KLRB1: variants seen among roughly 807,000 people sequenced by gnomAD.
KLRB1 encodes killer cell lectin-like receptor subfamily B member 1.
Under a neutral mutation model 33.5 loss-of-function variants are expected in KLRB1, and 27 were observed. The ratio of observed to expected loss-of-function variants is 0.81; its 90% CI spans 0.59 to 1.11. KLRB1 has a LOEUF of 1.11. KLRB1 is among the 50% of genes most tolerant of loss of function. The probability of loss-of-function intolerance (pLI) is 0.00; values close to 1 mark genes in which losing one functional copy is unlikely to be tolerated. For synonymous variants in KLRB1, 64 were observed against 88.9 expected (o/e 0.72, Z 1.58); for missense variants, 241 against 254.1 (o/e 0.95, Z 0.35).
chr12:9,607,373 T>TC lies in KLRB1; in HGVS notation c.85+381_85+382insG, dbSNP rs1332898981. 9.0e-4 allele frequency among the ~76,000 whole-genome samples: 86 copies of TC among 95,054 alleles called. 1 individual carries two copies. Among genetic ancestry groups the TC allele is most frequent in the Non-Finnish European group, 1.6e-3 (70 of 42,612 alleles). The allele number at this position is 95,054 out of a possible 152,430, so 62.4% of individuals were successfully genotyped here. A position where few individuals can be genotyped will look rare whatever the true frequency, so the allele number is the denominator to read the frequency against. Reference sequence around the variant, plus strand: ...CTTTCTTCCTTTCTTTCTTTCTTTCTTTCTTTCTTTCTTTCTTTCTTTCTT... The same window carrying TC: ...CTTTCTTCCTTTCTTTCTTTCTTTCTCTTCTTTCTTTCTTTCTTTCTTTCTT... On this transcript the variant is annotated intron_variant, in intron 1 of 5. Transcript: ENST00000229402.
At chr12:9,607,370 T>TCTC (rs1864627744) in intron 1 of KLRB1, among the ~76,000 whole-genome samples, 2 of 86,358 alleles carry the variant, frequency 2.3e-5, no homozygotes, top group African/African-American at 7.6e-5. Flanking sequence ...CTTTCTTTCT[T>TCTC]TCTTTCTTTC....
intron 4 of KLRB1, 31 bp from the exon 5 acceptor site, chr12:9,598,192 GC>G: frequency 7.3e-7 from 1 of 1,366,024 alleles, no homozygotes; most frequent in African/African-American, 1.4e-5. Context: ...TATTGAATCT[GC>G]TTATCTATTC....
At chr12:9,606,761 T>TATG (rs1491174451) in intron 1 of KLRB1, among the ~76,000 whole-genome samples, 1 of 23,680 alleles carries the variant, frequency 4.2e-5, no homozygotes, top group Non-Finnish European at 7.4e-5. Flanking sequence ...TATATATATA[T>TATG]TTTTTTTTTT....
In KLRB1 at chr12:9,598,486, T is replaced by C; in HGVS notation, c.414+13A>G. The C allele has an allele frequency of 6.2e-7, 1 of 1,600,792 alleles. No individual in the cohort carries two copies. Among genetic ancestry groups the C allele is most frequent in the Non-Finnish European group, 8.5e-7 (1 of 1,173,490 alleles). On this transcript the variant is annotated intron_variant, in intron 4 of 5. Transcript: ENST00000229402. ...TGTTAAGTTTTATTAAGGTATTTTA[T>C]TTAATGATTTACCAATTCATCCTTA...
intron 1 of KLRB1, among the ~76,000 whole-genome samples, chr12:9,607,335 CCTTT>C (rs1258225429): frequency 1.2e-4 from 8 of 65,266 alleles, no homozygotes; most frequent in East Asian, 6.3e-4. Context: ...CTCTTTCTTT[CCTTT>C]CTTTCTTTCT....
intron 1 of KLRB1, among the ~76,000 whole-genome samples, chr12:9,607,351 TCTTC>T (rs1451511157): frequency 0.017 from 1,363 of 81,916 alleles, 66 homozygotes; most frequent in African/African-American, 0.05. Context: ...TTTCTTTCTT[TCTTC>T]CTTTCTTTCT....
intron 1 of KLRB1, among the ~76,000 whole-genome samples, chr12:9,602,478 A>T (rs1042868824): frequency 1.8e-4 from 27 of 152,198 alleles, no homozygotes; most frequent in African/African-American, 6.3e-4. Context: ...TTCCAAAATT[A>T]AATCAACTCT....
At chr12:9,604,185 C>A (rs143378047) in intron 1 of KLRB1, among the ~76,000 whole-genome samples, 2 of 152,226 alleles carry the variant, frequency 1.3e-5, no homozygotes, top group African/African-American at 4.8e-5. Context: ...AATGAAGTTA[C>A]AATGAATCAC....
rs1555097807 is a variant in KLRB1, at chr12:9,607,366, T to TTCTTTCTC, written c.85+388_85+389insGAGAAAGA. Among the ~76,000 whole-genome samples, 106 of 82,146 alleles carry TTCTTTCTC rather than the reference T, an allele frequency of 1.3e-3. 3 individuals carry two copies. The highest frequency in any genetic ancestry group is 1.8e-3 in the Non-Finnish European group (65 of 36,402). 53.9% of individuals were successfully genotyped at this position (82,146 alleles called of 152,430 possible). On this transcript the variant is annotated intron_variant, in intron 1 of 5. Coordinates refer to ENST00000229402, the MANE Select transcript of KLRB1 (RefSeq NM_002258.3). ...TTTCTTTCTTTCTTCCTTTCTTTCT[T>TTCTTTCTC]TCTTTCTTTCTTTCTTTCTTTCTTT... is the stretch of plus-strand genomic sequence containing the variant.
chr12:9,599,158 T>C (rs187256540), intron 3 of KLRB1, among the ~76,000 whole-genome samples: 59 of 152,348 alleles, frequency 3.9e-4, no homozygotes, highest in Admixed American at 1.7e-3. Context: ...GAAAAAATTA[T>C]AAGAAAATTT....
chr12:9,598,756 G>T (rs1864515087), intron 3 of KLRB1, 103 bp from the exon 4 acceptor site: 1 of 729,386 alleles, frequency 1.4e-6, no homozygotes, highest in African/African-American at 1.8e-5. Flanking sequence ...AATGCTCAAA[G>T]TTTTTGATTA....
At chr12:9,607,051 C>A (rs1485553692) in intron 1 of KLRB1, among the ~76,000 whole-genome samples, 1 of 151,852 alleles carries the variant, frequency 6.6e-6, no homozygotes, top group African/African-American at 2.4e-5. Flanking sequence ...CTGCAACTGG[C>A]CTACACGTTG....
At chr12:9,597,132 T>A (rs1864498659) in intron 5 of KLRB1, among the ~76,000 whole-genome samples, 1 of 152,202 alleles carries the variant, frequency 6.6e-6, no homozygotes, top group Non-Finnish European at 1.5e-5. Flanking sequence ...TATCTTAGGA[T>A]AATGTAGACA....
intron 1 of KLRB1, among the ~76,000 whole-genome samples, chr12:9,607,355 C>CCTTTCTTCCTTTCTTTCTTTCTTTCTTT (rs1864626025): frequency 1.9e-5 from 1 of 52,706 alleles, no homozygotes. Flanking sequence ...TTTCTTTCTT[C>CCTTTCTTCCTTTCTTTCTTTCTTTCTTT]CTTTCTTTCT....
chr12:9,598,656 A>G lies in KLRB1; in HGVS notation c.260-3T>C, dbSNP rs756123976. Reference sequence around the variant, plus strand: ...GCAGTTTAAGAGACCCGGTCTCTCTAAAGTAAAAAACAGAAATAAGAAATA... The same window carrying G: ...GCAGTTTAAGAGACCCGGTCTCTCTGAAGTAAAAAACAGAAATAAGAAATA... On this transcript the variant is annotated splice_region_variant and splice_polypyrimidine_tract_variant and intron_variant, in intron 3 of 5. Coordinates refer to ENST00000229402, the MANE Select transcript of KLRB1 (RefSeq NM_002258.3). The G allele has an allele frequency of 6.2e-7, 1 of 1,600,108 alleles. No individual in the cohort carries two copies. Among genetic ancestry groups the G allele is most frequent in the Non-Finnish European group, 8.5e-7 (1 of 1,173,450 alleles).
chr12:9,607,346 T>TTCTG lies in KLRB1; in HGVS notation c.85+408_85+409insCAGA, dbSNP rs1213318895. On this transcript the variant is annotated intron_variant, in intron 1 of 5. Coordinates refer to ENST00000229402, the MANE Select transcript of KLRB1 (RefSeq NM_002258.3). ...CTTTCTCTTTCTTTCCTTTCTTTCT[T>TTCTG]TCTTTCTTCCTTTCTTTCTTTCTTT... is the stretch of plus-strand genomic sequence containing the variant. Among the ~76,000 whole-genome samples, 300 of 61,044 alleles carry TTCTG rather than the reference T, an allele frequency of 4.9e-3. 30 individuals carry two copies. The East Asian group carries it at 0.13, about 26-fold the overall frequency. The allele number at this position is 61,044 out of a possible 152,430, so 40.0% of individuals were successfully genotyped here.
In KLRB1 at chr12:9,606,758, A is replaced by ATTTTTTTT. The variant is rs1285915836; in HGVS notation, c.85+996_85+997insAAAAAAAA. Among the ~76,000 whole-genome samples the ATTTTTTTT allele has an allele frequency of 2.6e-4, 17 of 65,908 alleles. 1 individual carries two copies. The highest frequency in any genetic ancestry group is 4.6e-4 in the African/African-American group (5 of 10,894). 43.2% of individuals were successfully genotyped at this position (65,908 alleles called of 152,430 possible). ...AGTATATATATATATATATATATAT[A>ATTTTTTTT]TATTTTTTTTTTTTTTTTGAGATAG... On this transcript the variant is annotated intron_variant, in intron 1 of 5. Transcript: ENST00000229402.
At chr12:9,605,187 A>G (rs1043595346) in intron 1 of KLRB1, among the ~76,000 whole-genome samples, 5 of 152,184 alleles carry the variant, frequency 3.3e-5, no homozygotes, top group Non-Finnish European at 5.9e-5. Flanking sequence ...TTATGGCTGC[A>G]CAGTATTCCA....
chr12:9,597,937 T>A, intron 5 of KLRB1, 109 bp downstream of exon 5: 1 of 629,040 alleles, frequency 1.6e-6, no homozygotes, highest in Non-Finnish European at 2.8e-6. Context: ...CAGAACTTCT[T>A]GAGTTTTTAA....
Sources: allele counts gnomAD v4.1 joint callset (sites outside exome capture counted in the v4.1 genomes callset), GRCh38; gene constraint gnomAD v4.1.1; transcripts MANE v1.5; gene names NCBI Gene and HGNC (gene_info 2026-07-23, HGNC 2026-07-21).